The following WWOX variants were observed in gnomAD, a reference collection of about 807,000 sequenced individuals.
WWOX encodes WW domain containing oxidoreductase, also known as WW domain-containing oxidoreductase.
Under a neutral mutation model 46.2 loss-of-function variants are expected in WWOX, and 69 were observed. That is an observed-to-expected ratio of 1.49 (90% CI 1.23 to 1.82). The LOEUF is 1.82. Ranked by LOEUF, WWOX falls within the 40% of genes most tolerant of loss-of-function variation. The pLI is 0.00. For missense variants in WWOX, 919 were observed against 542.6 expected, an observed-to-expected ratio of 1.69 and a Z score of -6.89; for synonymous variants, 359 against 202.6, an observed-to-expected ratio of 1.77 and a Z score of -6.56.
chr16:78,623,123 G>T (rs1349735417), intron 8 of WWOX, among the ~76,000 whole-genome samples: 1 of 151,998 alleles, frequency 6.6e-6, no homozygotes, highest in Non-Finnish European at 1.5e-5. Flanking sequence ...TAGGCAACTA[G>T]ATTTCAGCAT....
At chr16:78,661,661 G>T (rs2047216547) in intron 8 of WWOX, among the ~76,000 whole-genome samples, 1 of 151,730 alleles carries the variant, frequency 6.6e-6, no homozygotes. Context: ...GAGGGGGTGG[G>T]GGCTCTGTGC....
intron 1 of WWOX, chr16:78,100,132 C>T (rs1177061206): frequency 7.5e-7 from 1 of 1,337,470 alleles, no homozygotes; most frequent in East Asian, 3.4e-5. Flanking sequence ...GGATGCAGCA[C>T]TGCGCGGCGC....
chr16:79,172,692 G>C (rs2050724091), intron 8 of WWOX, among the ~76,000 whole-genome samples: 1 of 152,116 alleles, frequency 6.6e-6, no homozygotes, highest in Non-Finnish European at 1.5e-5. Context: ...GCACGTATGT[G>C]TGTGTGTAAA....
At chr16:78,190,276 G>A (rs1345216703) in intron 5 of WWOX, among the ~76,000 whole-genome samples, 1 of 152,196 alleles carries the variant, frequency 6.6e-6, no homozygotes, top group Non-Finnish European at 1.5e-5. Context: ...CTAGCGCTTA[G>A]TTTCCTGCCA....
intron 8 of WWOX, among the ~76,000 whole-genome samples, chr16:78,608,127 G>A (rs972334928): frequency 5.9e-5 from 9 of 152,196 alleles, no homozygotes; most frequent in Non-Finnish European, 1.0e-4. Context: ...AAGCCTGAGA[G>A]TGCCTGAAAC....
chr16:78,531,034 C>T (rs945996677), intron 8 of WWOX, among the ~76,000 whole-genome samples: 24 of 152,282 alleles, frequency 1.6e-4, no homozygotes, highest in Admixed American at 1.2e-3. Flanking sequence ...TATCACTTCT[C>T]CATTAACTGT....
chr16:78,559,496 T>G (rs1398865167), intron 8 of WWOX, among the ~76,000 whole-genome samples: 1 of 152,134 alleles, frequency 6.6e-6, no homozygotes, highest in African/African-American at 2.4e-5. Flanking sequence ...TGAATGAACT[T>G]TTTCCCTTTC....
At chr16:78,177,957 A>C (rs1162489103) in intron 5 of WWOX, among the ~76,000 whole-genome samples, 2 of 152,228 alleles carry the variant, frequency 1.3e-5, no homozygotes, top group Non-Finnish European at 2.9e-5. Flanking sequence ...CATCCCTTTC[A>C]ATAGTTCCTG....
chr16:78,118,930 C>G (rs1034324153), intron 4 of WWOX: 6 of 152,176 alleles, frequency 3.9e-5, no homozygotes, highest in African/African-American at 1.4e-4. Flanking sequence ...TAACACTCTT[C>G]TCTCCTTGAC....
At chr16:78,351,366 T>C (rs1182595837) in intron 5 of WWOX, among the ~76,000 whole-genome samples, 1 of 152,222 alleles carries the variant, frequency 6.6e-6, no homozygotes, top group African/African-American at 2.4e-5. Flanking sequence ...CCAGCAGTTG[T>C]GTCAGGTAGA....
At chr16:78,570,795 A>G (rs1232740059) in intron 8 of WWOX, among the ~76,000 whole-genome samples, 2 of 152,198 alleles carry the variant, frequency 1.3e-5, no homozygotes, top group Non-Finnish European at 2.9e-5. Context: ...TTCAGAAACA[A>G]ACAAACATGG....
At chr16:78,849,052 G>T (rs1485028074) in intron 8 of WWOX, among the ~76,000 whole-genome samples, 1 of 152,186 alleles carries the variant, frequency 6.6e-6, no homozygotes, top group African/African-American at 2.4e-5. Context: ...CCATGGGCAT[G>T]ATCACTGTTG....
At chr16:78,739,784 C>G (rs532934041) in intron 8 of WWOX, among the ~76,000 whole-genome samples, 5 of 152,250 alleles carry the variant, frequency 3.3e-5, no homozygotes, top group African/African-American at 9.6e-5. Context: ...GCACTCCAGC[C>G]TGGGCAACAG....
chr16:78,623,973 G>T (rs1003710238), intron 8 of WWOX, among the ~76,000 whole-genome samples: 11 of 152,100 alleles, frequency 7.2e-5, no homozygotes, highest in African/African-American at 2.7e-4. Context: ...TTACTGAGGA[G>T]AAATGAGGGG....
intron 8 of WWOX, among the ~76,000 whole-genome samples, chr16:79,026,105 T>C (rs1162096938): frequency 2.0e-5 from 3 of 151,582 alleles, no homozygotes; most frequent in Non-Finnish European, 4.4e-5. Flanking sequence ...CCAGCCCCTG[T>C]TGCCCTTTTC....
chr16:79,137,909 A>G (rs1038204638), intron 8 of WWOX, among the ~76,000 whole-genome samples: 2 of 152,030 alleles, frequency 1.3e-5, no homozygotes, highest in African/African-American at 4.8e-5. Flanking sequence ...CTCCAGAAGT[A>G]CAACATCAGA....
intron 8 of WWOX, among the ~76,000 whole-genome samples, chr16:78,735,878 C>G (rs140593381): frequency 5.8e-5 from 7 of 120,638 alleles, no homozygotes; most frequent in African/African-American, 2.2e-4. Context: ...GGATCTGAGT[C>G]CCTTCTTGTC....
chr16:79,202,893 G>T (rs1467360177), intron 8 of WWOX: 2 of 152,210 alleles, frequency 1.3e-5, no homozygotes, highest in Non-Finnish European at 2.9e-5. Context: ...GTCAGCACAT[G>T]CATATTTAGA....
At position 79,190,822 on chromosome 16, in the gene WWOX, T is replaced by C. The variant is rs74038807; in HGVS notation, c.1057-20786T>C. Among the ~76,000 whole-genome samples the C allele has an allele frequency of 8.0e-3, 1,222 of 152,336 alleles. 6 individuals carry two copies. Among genetic ancestry groups the C allele is most frequent in the African/African-American group, 0.028 (1,167 of 41,578 alleles). On this transcript the variant is annotated intron_variant, in intron 8 of 8. Coordinates refer to ENST00000566780, the MANE Select transcript of WWOX (RefSeq NM_016373.4). ...CTACAGTAGCAAAGTTGAGTACTTA[T>C]AAATGTAGAGCCTGCAAAGTCTAAA... is the stretch of plus-strand genomic sequence containing the variant.
Sources: allele counts gnomAD v4.1 joint callset (sites outside exome capture counted in the v4.1 genomes callset), GRCh38; gene constraint gnomAD v4.1.1; transcripts MANE v1.5; gene names NCBI Gene and HGNC (gene_info 2026-07-23, HGNC 2026-07-21).